Variants in CCSER1 observed in about 807,000 individuals in gnomAD.
The protein encoded by CCSER1 is serine-rich coiled-coil domain-containing protein 1.
A neutral mutation model predicts 82.0 loss-of-function variants in CCSER1; 41 were observed. That is an observed-to-expected ratio of 0.50 (90% confidence interval 0.39 to 0.65). The LOEUF is 0.65. CCSER1 is among the 30% of genes least tolerant of loss of function. The pLI is 0.00. For synonymous variants in CCSER1, 414 were observed against 383.9 expected (o/e 1.08, Z -0.92); for missense variants, 1,119 against 1,064.2 (o/e 1.05, Z -0.72).
intron 10 of CCSER1, among the ~76,000 whole-genome samples, chr4:91,390,320 C>A (rs541787343): frequency 6.6e-6 from 1 of 151,476 alleles, no homozygotes; most frequent in Admixed American, 6.6e-5. Flanking sequence ...GTGATTTTTC[C>A]TCTTTAGCCT....
chr4:90,888,747 CAT>C (rs1192482641), intron 8 of CCSER1, among the ~76,000 whole-genome samples: 1 of 152,058 alleles, frequency 6.6e-6, no homozygotes, highest in East Asian at 1.9e-4. Context: ...ATGTAAGTAA[CAT>C]AAAGAGCGAG....
At chr4:91,380,428 C>T (rs1750792068) in intron 10 of CCSER1, among the ~76,000 whole-genome samples, 1 of 152,094 alleles carries the variant, frequency 6.6e-6, no homozygotes. Flanking sequence ...AATATGGGTG[C>T]TCCTGTATTG....
At chr4:90,845,522 T>G in intron 8 of CCSER1, among the ~76,000 whole-genome samples, 1 of 152,168 alleles carries the variant, frequency 6.6e-6, no homozygotes, top group East Asian at 1.9e-4. Context: ...ACACTGGCCT[T>G]ACTGCCCATC....
intron 5 of CCSER1, among the ~76,000 whole-genome samples, chr4:90,555,252 CA>C (rs1275903905): frequency 2.0e-5 from 3 of 151,896 alleles, no homozygotes; most frequent in Non-Finnish European, 4.4e-5. Context: ...ACAAGCCTGG[CA>C]AAAAATTTTT....
intron 10 of CCSER1, among the ~76,000 whole-genome samples, chr4:91,574,068 T>A (rs1485819906): frequency 6.6e-6 from 1 of 152,090 alleles, no homozygotes; most frequent in Non-Finnish European, 1.5e-5. Flanking sequence ...TAATATTTTT[T>A]AAATATTCCT....
At position 91,259,071 on chromosome 4, in the gene CCSER1, T is replaced by TA. The variant is rs539051615; in HGVS notation, c.2217+173080dup. Among the ~76,000 whole-genome samples, 121 of 151,800 alleles carry TA rather than the reference T, an allele frequency of 8.0e-4. 2 individuals are homozygous for TA. The highest frequency in any genetic ancestry group is 2.8e-3 in the African/African-American group (115 of 41,404). ...ACTGTAGGAAAGAGATTTGGAAAAA[T>TA]AAAGAAAAAACTTTTAAATAAATAC... On this transcript the variant is annotated intron_variant, in intron 10 of 10. Transcript: ENST00000509176.
At chr4:91,331,709 G>T (rs904730695) in intron 10 of CCSER1, among the ~76,000 whole-genome samples, 5 of 152,220 alleles carry the variant, frequency 3.3e-5, no homozygotes, top group Admixed American at 1.3e-4. Flanking sequence ...CATTTAAAAA[G>T]ATGTCAATTG....
chr4:90,960,834 A>G (rs1320992315), intron 9 of CCSER1, among the ~76,000 whole-genome samples: 2 of 152,218 alleles, frequency 1.3e-5, no homozygotes, highest in African/African-American at 4.8e-5. Context: ...ATACTTATTT[A>G]GCACCTTAAT....
rs566449813 is a variant in CCSER1, at chr4:90,384,145, AT to A, written c.1510-15884del. On this transcript the variant is annotated intron_variant, in intron 3 of 10. Transcript: ENST00000509176. ...CAATCATTTTATTTTATTTTATTTT[AT>A]TTTTTTAATTATACTTTAAGTTCTA... Among the ~76,000 whole-genome samples the A allele has an allele frequency of 3.3e-3, 504 of 151,146 alleles. 4 individuals are homozygous for A. The highest frequency in any genetic ancestry group is 0.011 in the African/African-American group (463 of 41,150).
rs139015429 is a variant in CCSER1 at position 90,652,046 on chromosome 4, G to A, written c.1932+23814G>A. Among the ~76,000 whole-genome samples, 909 of 152,204 alleles carry A rather than the reference G, an allele frequency of 6.0e-3. 11 individuals carry two copies. The highest frequency in any genetic ancestry group is 0.021 in the African/African-American group (857 of 41,534). On this transcript the variant is annotated intron_variant, in intron 6 of 10. Coordinates refer to ENST00000509176, the MANE Select transcript of CCSER1 (RefSeq NM_001145065.2). ...CCAGAAAGTCTCAAGTGTTCTGCTAGCATTTATGAAACTGGGGCATACTAA... is the reference window on the plus strand; with the variant it reads ...CCAGAAAGTCTCAAGTGTTCTGCTAACATTTATGAAACTGGGGCATACTAA...
At chr4:90,632,282 T>A (rs184952937) in intron 6 of CCSER1, among the ~76,000 whole-genome samples, 27 of 152,234 alleles carry the variant, frequency 1.8e-4, no homozygotes, top group African/African-American at 6.0e-4. Flanking sequence ...CAGATTTTTT[T>A]AAAAGTTATT....
chr4:91,183,419 G>T (rs1310009466), intron 10 of CCSER1, among the ~76,000 whole-genome samples: 3 of 152,166 alleles, frequency 2.0e-5, no homozygotes, highest in African/African-American at 7.2e-5. Flanking sequence ...TTTAAATTTA[G>T]TTATTTTAGG....
At chr4:90,768,048 C>T (rs576771834) in intron 7 of CCSER1, among the ~76,000 whole-genome samples, 1 of 152,296 alleles carries the variant, frequency 6.6e-6, no homozygotes, top group East Asian at 1.9e-4. Flanking sequence ...AATTCCTCCC[C>T]TGTTGACTTG....
intron 5 of CCSER1, among the ~76,000 whole-genome samples, chr4:90,535,693 C>G (rs186773614): frequency 6.6e-6 from 1 of 151,956 alleles, no homozygotes; most frequent in African/African-American, 2.4e-5. Flanking sequence ...TACTGCCAGG[C>G]AAATAGTAGT....
At chr4:91,484,599 C>A (rs907107557) in intron 10 of CCSER1, among the ~76,000 whole-genome samples, 1 of 151,998 alleles carries the variant, frequency 6.6e-6, no homozygotes, top group Admixed American at 6.5e-5. Flanking sequence ...TAAATATTTT[C>A]CTATGATTTA....
chr4:90,449,856 T>C (rs1478396170), intron 4 of CCSER1, among the ~76,000 whole-genome samples: 6 of 152,130 alleles, frequency 3.9e-5, no homozygotes, highest in African/African-American at 1.4e-4. Flanking sequence ...GGCTGCATCT[T>C]TACCAAGGAG....
rs72883389 is a variant in CCSER1 at position 90,422,523 on chromosome 4, A to G, written c.1603+22394A>G. Among the ~76,000 whole-genome samples the G allele has an allele frequency of 3.9e-3, 597 of 152,242 alleles. 6 individuals carry two copies. Among genetic ancestry groups the G allele is most frequent in the Middle Eastern group, 0.014 (4 of 294 alleles). Reference sequence around the variant, plus strand: ...GGTGGGAGGATCGCTTACACCCAGGAAGTTGAGGCTGCTGTGAGTCATGAT... The same window carrying G: ...GGTGGGAGGATCGCTTACACCCAGGGAGTTGAGGCTGCTGTGAGTCATGAT... On this transcript the variant is annotated intron_variant, in intron 4 of 10. Transcript: ENST00000509176.
intron 5 of CCSER1, among the ~76,000 whole-genome samples, chr4:90,559,778 C>A (rs1778526476): frequency 7.0e-6 from 1 of 142,542 alleles, no homozygotes. Context: ...CCACTGCACT[C>A]CAGCCTGGGA....
At chr4:91,074,078 C>T (rs983557802) in intron 9 of CCSER1, among the ~76,000 whole-genome samples, 1 of 152,174 alleles carries the variant, frequency 6.6e-6, no homozygotes, top group African/African-American at 2.4e-5. Flanking sequence ...GGGCCACATG[C>T]TGTAGCTGCA....
Sources: gnomAD v4.1 joint callset for allele counts (sites outside exome capture counted in the v4.1 genomes callset) on GRCh38, gnomAD v4.1.1 for gene constraint, MANE v1.5 for transcripts, NCBI Gene and HGNC (gene_info 2026-07-23, HGNC 2026-07-21) for gene names.